DAAM2: variants seen among roughly 807,000 people sequenced by gnomAD.
DAAM2 encodes dishevelled associated activator of morphogenesis 2.
Under a neutral mutation model 120.7 loss-of-function variants are expected in DAAM2, and 39 were observed. The observed-to-expected ratio is 0.32, with a 90% CI of 0.25 to 0.42. The LOEUF (loss-of-function observed/expected upper bound fraction) is 0.42. Ranked by LOEUF, DAAM2 falls within the 10% of genes least tolerant of loss-of-function variation. The probability of loss-of-function intolerance (pLI) is 1.00; values close to 1 mark genes in which losing one functional copy is unlikely to be tolerated. For missense variants in DAAM2, 1,283 were observed against 1,401.7 expected (o/e 0.92, Z 1.35); for synonymous variants, 488 against 524.9 (o/e 0.93, Z 0.96).
intron 17 of DAAM2, 38 bp from the exon 18 acceptor site, chr6:39,891,303 C>A: frequency 6.7e-7 from 1 of 1,491,186 alleles, no homozygotes; most frequent in South Asian, 1.2e-5. Context: ...GTCTGCTGCT[C>A]ACCAGTTGCT....
In DAAM2 at chr6:39,825,453, G is replaced by GTT. The variant is rs1562006603; in HGVS notation, c.-56-30794_-56-30793insTT. Among the ~76,000 whole-genome samples, 749 of 130,870 alleles carry GTT rather than the reference G, an allele frequency of 5.7e-3. 14 individuals are homozygous for GTT. Among genetic ancestry groups the GTT allele is most frequent in the African/African-American group, 0.018 (663 of 36,632 alleles). 85.9% of individuals were successfully genotyped at this position (130,870 alleles called of 152,430 possible). On this transcript the variant is annotated intron_variant, in intron 1 of 24. Transcript: ENST00000274867. ...ACACAAGGTCGGGGGGTTGGTGGGG[G>GTT]GCCTTTGTTTCTTGAAGGAAACATA...
chr6:39,898,985 A>G, intron 22 of DAAM2, 48 bp downstream of exon 22: 1 of 1,498,762 alleles, frequency 6.7e-7, no homozygotes, highest in South Asian at 1.2e-5. Context: ...CTGTCAGCAA[A>G]CACTGTTCGT....
At chr6:39,797,177 A>G (rs1322074544) in intron 1 of DAAM2, among the ~76,000 whole-genome samples, 1 of 152,194 alleles carries the variant, frequency 6.6e-6, no homozygotes, top group East Asian at 1.9e-4. Context: ...TCACTCACCC[A>G]TGAATTTGGG....
chr6:39,887,322 A>T lies in DAAM2; in HGVS notation c.1954-164A>T, dbSNP rs559774424. 4.3e-4 allele frequency: 243 copies of T among 560,998 alleles called. 6 individuals carry two copies. The South Asian group carries it at 5.0e-3, about 12-fold the overall frequency. 34.8% of individuals were successfully genotyped at this position (560,998 alleles called of 1,614,324 possible). On this transcript the variant is annotated intron_variant, in intron 15 of 24. Transcript: ENST00000274867. ...GGAAAAGTCCCAGATACCGTCTCTT[A>T]AAGTTAGCTATTATCCACCCTCCTC...
At chr6:39,800,302 T>A (rs1218619723) in intron 1 of DAAM2, among the ~76,000 whole-genome samples, 1 of 152,100 alleles carries the variant, frequency 6.6e-6, no homozygotes, top group East Asian at 1.9e-4. Flanking sequence ...GTGTGTGGCC[T>A]CCTTGTGTCT....
Position 39,902,630 on chromosome 6 carries a change from C to CCAAAGCCATCAGGACAGAGTAG in DAAM2, c.*596_*617dup. On this transcript the variant is annotated 3_prime_UTR_variant, in exon 25 of 25. Transcript: ENST00000274867. ...CAATGTTGGAAGGATGATGCAGGGA[C>CCAAAGCCATCAGGACAGAGTAG]CAAAGCCATCAGGACAGAGTAGCAG... 1 of 152,488 alleles carries CCAAAGCCATCAGGACAGAGTAG rather than the reference C, an allele frequency of 6.6e-6. No homozygotes were observed. Among genetic ancestry groups the CCAAAGCCATCAGGACAGAGTAG allele is most frequent in the South Asian group, 2.1e-4 (1 of 4,834 alleles). The allele number at this position is 152,488 out of a possible 1,614,324, so 9.4% of individuals were successfully genotyped here.
Position 39,879,293 on chromosome 6 carries a change from C to A in DAAM2, c.1661C>A (p.Pro554His). Reference sequence around the variant, plus strand: ...CCTCTGCCCTTTGCCTGTTGTCCCCCTCCCCCACCACCACCCCTTCCTCCC... The same window carrying A: ...CCTCTGCCCTTTGCCTGTTGTCCCCATCCCCCACCACCACCCCTTCCTCCC... ...PPPLPFACCP[P>H]PPPPPLPPGG... Residue 554 changes from proline to histidine, a missense_variant, in exon 14 of 25, where the codon CCT becomes CAT. Around this residue, in one of 3 missense-constraint regions of DAAM2, gnomAD observed 748 missense variants for 768.6 expected, o/e 0.97. Coordinates refer to ENST00000274867, the MANE Select transcript of DAAM2 (RefSeq NM_001201427.2). 6.8e-7 allele frequency: 1 copy of A among 1,472,566 alleles called. No homozygotes were observed. Among genetic ancestry groups the A allele is most frequent in the Non-Finnish European group, 9.3e-7 (1 of 1,072,162 alleles). The allele number at this position is 1,472,566 out of a possible 1,614,324, so 91.2% of individuals were successfully genotyped here.
intron 15 of DAAM2, chr6:39,886,154 T>G: frequency 2.8e-6 from 1 of 363,254 alleles, no homozygotes; most frequent in Non-Finnish European, 4.9e-6. Flanking sequence ...CTGCCCTAAC[T>G]GGGGAGTGGT....
chr6:39,795,705 G>T lies in DAAM2; in HGVS notation c.-57+3240G>T, dbSNP rs1302948914. On this transcript the variant is annotated intron_variant, in intron 1 of 24. Coordinates refer to ENST00000274867, the MANE Select transcript of DAAM2 (RefSeq NM_001201427.2). ...TATTTTCCATGATTGAAGGCTAGTG[G>T]GTGGAGTTTCTAGGGCTCTGATCAT... Among the ~76,000 whole-genome samples, 2 of 152,140 alleles carry T rather than the reference G, an allele frequency of 1.3e-5. 1 individual carries two copies. The highest frequency in any genetic ancestry group is 6.3e-3 in the Middle Eastern group (2 of 316).
At chr6:39,816,022 T>C (rs141959840) in intron 1 of DAAM2, among the ~76,000 whole-genome samples, 2,787 of 152,324 alleles carry the variant, frequency 0.018, 45 homozygotes, top group Middle Eastern at 0.092. Context: ...TCCTCCCTCA[T>C]AGGGAGAAGA....
chr6:39,847,408 C>T (rs943945494), intron 1 of DAAM2, among the ~76,000 whole-genome samples: 5 of 152,098 alleles, frequency 3.3e-5, no homozygotes, highest in Admixed American at 6.5e-5. Context: ...CTGTGTGAGC[C>T]GGAGGAGGGG....
chr6:39,800,259 C>T (rs1297210238), intron 1 of DAAM2, among the ~76,000 whole-genome samples: 1 of 152,152 alleles, frequency 6.6e-6, no homozygotes, highest in Non-Finnish European at 1.5e-5. Context: ...ATGTACACAG[C>T]CTGCTGACCA....
At chr6:39,855,595 C>T (rs1763968113) in intron 1 of DAAM2, among the ~76,000 whole-genome samples, 1 of 152,224 alleles carries the variant, frequency 6.6e-6, no homozygotes, top group Admixed American at 6.5e-5. Flanking sequence ...CCGCCTCCTT[C>T]TAGAAGGATC....
chr6:39,882,372 T>C (rs1562051007), intron 14 of DAAM2: 1 of 152,078 alleles, frequency 6.6e-6, no homozygotes, highest in African/African-American at 2.4e-5. Context: ...AGCCCGAGCT[T>C]AGTCAGCTGT....
rs750271498 is a variant in DAAM2 at position 39,875,346 on chromosome 6, C to T, written c.1179C>T (p.Gly393=). ...CLQMPYKRNG[G]YFQQWQLLDR... Reference sequence around the variant, plus strand: ...ATCCCTCAGACAAACGGAACGGTGGCTACTTCCAGCAGTGGCAGCTCCTGG... The same window carrying T: ...ATCCCTCAGACAAACGGAACGGTGGTTACTTCCAGCAGTGGCAGCTCCTGG... The change falls in exon 11 of 25, where the codon GGC becomes GGT. Residue 393 remains glycine (G), a synonymous_variant. Transcript: ENST00000274867. The T allele has an allele frequency of 1.9e-6, 3 of 1,613,712 alleles. No individual in the cohort carries two copies. The highest frequency in any genetic ancestry group is 2.7e-5 in the African/African-American group (2 of 74,928).
intron 22 of DAAM2, 44 bp from the exon 23 acceptor site, chr6:39,900,033 C>G: frequency 6.3e-7 from 1 of 1,578,580 alleles, no homozygotes; most frequent in Non-Finnish European, 8.6e-7. Context: ...ACCCGACTCT[C>G]ATCTTGGCAC....
At chr6:39,803,891 C>T (rs371414915) in intron 1 of DAAM2, among the ~76,000 whole-genome samples, 3 of 152,230 alleles carry the variant, frequency 2.0e-5, no homozygotes, top group East Asian at 1.9e-4. Flanking sequence ...AAGGCAAAGG[C>T]GACCATATAA....
At chr6:39,842,379 C>T (rs1562019568) in intron 1 of DAAM2, among the ~76,000 whole-genome samples, 1 of 152,162 alleles carries the variant, frequency 6.6e-6, no homozygotes, top group Non-Finnish European at 1.5e-5. Context: ...TGCGTGTAAT[C>T]CCAGCACTTT....
At chr6:39,810,085 A>G (rs1407084516) in intron 1 of DAAM2, among the ~76,000 whole-genome samples, 3 of 152,250 alleles carry the variant, frequency 2.0e-5, no homozygotes, top group African/African-American at 7.2e-5. Context: ...AGTGCATGCC[A>G]GCTACTTCCA....
Sources: gnomAD v4.1 joint callset for allele counts (sites outside exome capture counted in the v4.1 genomes callset) on GRCh38, gnomAD v4.1.1 for gene constraint, gnomAD v4.1.1 regional missense constraint, MANE v1.5 for transcripts, NCBI Gene and HGNC (gene_info 2026-07-23, HGNC 2026-07-21) for gene names.